Variants in DOCK4 observed in about 807,000 individuals in gnomAD.
DOCK4 encodes the protein dedicator of cytokinesis 4.
DOCK4 carries 97 observed loss-of-function variants against 268.1 expected under a neutral mutation model. That is an observed-to-expected ratio of 0.36 (90% CI 0.31 to 0.43). The LOEUF is 0.43. Among genes scored for constraint, DOCK4 ranks in the 20% least tolerant of loss-of-function variants. The pLI, the probability that DOCK4 is intolerant of heterozygous loss-of-function variation, is 1.00. For synonymous variants in DOCK4, 954 were observed against 887.2 expected (o/e 1.08, Z -1.34); for missense variants, 2,145 against 2,455.7 (o/e 0.87, Z 2.67).
intron 24 of DOCK4, 71 bp from the exon 25 acceptor site, chr7:111,844,968 G>GA: frequency 6.5e-7 from 1 of 1,527,204 alleles, no homozygotes; most frequent in Non-Finnish European, 8.8e-7. Context: ...CAGAAAAGGG[G>GA]AAATCAAAGA....
At chr7:112,137,474 T>C (rs911997485) in intron 1 of DOCK4, among the ~76,000 whole-genome samples, 1 of 152,216 alleles carries the variant, frequency 6.6e-6, no homozygotes, top group Non-Finnish European at 1.5e-5. Context: ...CAGGACAACA[T>C]TTTTCCATCT....
At chr7:112,130,443 C>A (rs939722515) in intron 1 of DOCK4, among the ~76,000 whole-genome samples, 1 of 152,130 alleles carries the variant, frequency 6.6e-6, no homozygotes, top group African/African-American at 2.4e-5. Flanking sequence ...ATGTCTTTTG[C>A]TAGTTAACAT....
chr7:111,733,363 A>G (rs1017219351), intron 51 of DOCK4, among the ~76,000 whole-genome samples: 2 of 152,182 alleles, frequency 1.3e-5, no homozygotes, highest in African/African-American at 4.8e-5. Context: ...GGGGTCAGTG[A>G]GAGTGCTCCA....
At chr7:111,902,138 G>C (rs1259000186) in intron 13 of DOCK4, among the ~76,000 whole-genome samples, 1 of 152,146 alleles carries the variant, frequency 6.6e-6, no homozygotes, top group East Asian at 1.9e-4. Flanking sequence ...CAGCCTAGCA[G>C]GGGTGGCTCA....
At chr7:111,832,071 G>C (rs1249340544) in intron 26 of DOCK4, among the ~76,000 whole-genome samples, 2 of 152,068 alleles carry the variant, frequency 1.3e-5, no homozygotes, top group Non-Finnish European at 2.9e-5. Context: ...ACATAAACTG[G>C]GAAATACACA....
At chr7:112,174,151 T>C (rs1328563346) in intron 1 of DOCK4, among the ~76,000 whole-genome samples, 1 of 152,096 alleles carries the variant, frequency 6.6e-6, no homozygotes, top group African/African-American at 2.4e-5. Context: ...GCTGCGGACC[T>C]TCAACTCTTT....
At chr7:111,928,398 T>C (rs1244663769) in intron 12 of DOCK4, among the ~76,000 whole-genome samples, 1 of 152,204 alleles carries the variant, frequency 6.6e-6, no homozygotes, top group Non-Finnish European at 1.5e-5. Flanking sequence ...AATCACTACT[T>C]CCATTCACAT....
At chr7:111,741,357 G>C (rs1027301648) in intron 46 of DOCK4, 143 bp from the exon 47 acceptor site, 6 of 1,417,590 alleles carry the variant, frequency 4.2e-6, no homozygotes, top group Admixed American at 2.1e-5. Context: ...AAATGTTTGA[G>C]TTTATTTATT....
In DOCK4 at chr7:111,989,071, G is replaced by C. The variant is rs752764268; in HGVS notation, c.408C>G (p.His136Gln). 6.2e-7 allele frequency: 1 copy of C among 1,613,958 alleles called. No homozygotes were observed. The highest frequency in any genetic ancestry group is 8.5e-7 in the Non-Finnish European group (1 of 1,179,864). The change falls in exon 6 of 53, where the codon CAC becomes CAG. Residue 136 changes from histidine (H) to glutamine (Q), a missense_variant. His to Gln is a conservative substitution (Grantham distance 24). Coordinates refer to ENST00000428084, the MANE Select transcript of DOCK4 (RefSeq NM_001363540.2). The stretch of plus-strand genomic sequence containing the variant: ...GGCGCTTCACGTCCTTCATCCGGTC[G>C]TGGGTGAGGTGGCCCACCAGCACCT... The part of the protein sequence containing the change: ...RRQVLVGHLT[H>Q]DRMKDVKRHI...
intron 39 of DOCK4, among the ~76,000 whole-genome samples, chr7:111,761,433 T>C (rs1315951938): frequency 6.6e-6 from 1 of 152,104 alleles, no homozygotes; most frequent in Non-Finnish European, 1.5e-5. Context: ...AACCCTGGGC[T>C]CTTTCTACTC....
chr7:112,044,773 C>T (rs570539643), intron 1 of DOCK4, among the ~76,000 whole-genome samples: 4 of 152,064 alleles, frequency 2.6e-5, no homozygotes, highest in Non-Finnish European at 5.9e-5. Context: ...AATCGTTGAG[C>T]AAACTCACTG....
In DOCK4 at chr7:112,097,303, A is replaced by C. The variant is rs555131396; in HGVS notation, c.38-93172T>G. On this transcript the variant is annotated intron_variant, in intron 1 of 52. Transcript: ENST00000428084. ...AGATTCAGGCTGTTGGCAGGGCGTC[A>C]TGGCTCATGCCTGTAATCCCAGCAC... Among the ~76,000 whole-genome samples the C allele has an allele frequency of 2.6e-5, 4 of 152,302 alleles. No homozygotes were observed. The South Asian group carries it at 8.3e-4, about 32-fold the overall frequency.
chr7:112,031,265 C>T (rs1803247018), intron 1 of DOCK4, among the ~76,000 whole-genome samples: 1 of 152,212 alleles, frequency 6.6e-6, no homozygotes, highest in African/African-American at 2.4e-5. Flanking sequence ...CTGAGACATC[C>T]TTCACATAGT....
intron 36 of DOCK4, among the ~76,000 whole-genome samples, chr7:111,777,952 T>C (rs754741439): frequency 3.9e-5 from 6 of 152,182 alleles, no homozygotes; most frequent in Non-Finnish European, 7.3e-5. Flanking sequence ...TATGTCTTTA[T>C]CAGCAGTGTG....
chr7:112,073,586 A>G (rs974023486), intron 1 of DOCK4, among the ~76,000 whole-genome samples: 4 of 152,222 alleles, frequency 2.6e-5, no homozygotes, highest in African/African-American at 9.6e-5. Flanking sequence ...AAAAAGTATG[A>G]AATCCTGTAA....
chr7:111,802,788 A>G (rs190344153), intron 30 of DOCK4, among the ~76,000 whole-genome samples: 1 of 152,068 alleles, frequency 6.6e-6, no homozygotes, highest in East Asian at 1.9e-4. Flanking sequence ...GAAAATAGTT[A>G]AAAAAAATCC....
At chr7:112,138,490 A>T (rs1044418070) in intron 1 of DOCK4, among the ~76,000 whole-genome samples, 2 of 152,212 alleles carry the variant, frequency 1.3e-5, no homozygotes, top group African/African-American at 4.8e-5. Flanking sequence ...TTTGCAGAAG[A>T]AATTTTTACA....
chr7:112,153,463 C>G (rs892776840), intron 1 of DOCK4, among the ~76,000 whole-genome samples: 1 of 152,138 alleles, frequency 6.6e-6, no homozygotes, highest in Non-Finnish European at 1.5e-5. Flanking sequence ...GAGGCTCATA[C>G]TCTGAGATGT....
At chr7:111,822,327 T>C in intron 27 of DOCK4, 35 bp downstream of exon 27, 1 of 1,553,878 alleles carries the variant, frequency 6.4e-7, no homozygotes, top group Non-Finnish European at 8.8e-7. Context: ...CCTCTATACA[T>C]TGAGCTGCAA....
Sources: allele counts gnomAD v4.1 joint callset (sites outside exome capture counted in the v4.1 genomes callset), GRCh38; gene constraint gnomAD v4.1.1; transcripts MANE v1.5; gene names NCBI Gene and HGNC (gene_info 2026-07-23, HGNC 2026-07-21).